TRPC3: variants seen among roughly 807,000 people sequenced by gnomAD.
The protein encoded by TRPC3 is transient receptor potential cation channel subfamily C member 3.
In TRPC3, 54 loss-of-function variants were observed where a neutral mutation model predicts 90.9. That is an observed-to-expected ratio of 0.59 (90% CI 0.48 to 0.75). The LOEUF (loss-of-function observed/expected upper bound fraction) is 0.75, where lower values mean the gene tolerates loss of function less well. Among genes scored for constraint, TRPC3 ranks in the 30% least tolerant of loss-of-function variants. The pLI is 0.00. For missense variants in TRPC3, 918 were observed against 1,194.5 expected, an observed-to-expected ratio of 0.77 and a Z score of 3.41; for synonymous variants, 424 against 450.9, an observed-to-expected ratio of 0.94 and a Z score of 0.75.
At chr4:121,892,635 AC>A (rs1214400042) in intron 10 of TRPC3, among the ~76,000 whole-genome samples, 1 of 152,190 alleles carries the variant, frequency 6.6e-6, no homozygotes, top group African/African-American at 2.4e-5. Flanking sequence ...TGAGAACTGC[AC>A]CAAATTAATC....
At position 121,874,702 on chromosome 4, in the gene TRPC3, T is replaced by C. The variant is rs563433978; in HGVS notation, c.*5034A>G. 3.1e-4 allele frequency among the ~76,000 whole-genome samples: 47 copies of C among 152,334 alleles called. No individual in the cohort carries two copies. Among genetic ancestry groups the C allele is most frequent in the African/African-American group, 1.1e-3 (46 of 41,578 alleles). The stretch of plus-strand genomic sequence containing the variant: ...GTCATATTATCTCATTTTAAATTAA[T>C]TACCTCTTTAAAGACCCTATCTCCA... On this transcript the variant is annotated 3_prime_UTR_variant, in exon 12 of 12. Coordinates refer to ENST00000379645, the MANE Select transcript of TRPC3 (RefSeq NM_001130698.2).
chr4:121,915,884 C>G (rs1352431771), intron 3 of TRPC3, among the ~76,000 whole-genome samples: 1 of 152,132 alleles, frequency 6.6e-6, no homozygotes, highest in Non-Finnish European at 1.5e-5. Flanking sequence ...GTCATATGCT[C>G]TTTGTCCAAG....
At chr4:121,919,144 G>GT (rs2149131461) in intron 3 of TRPC3, among the ~76,000 whole-genome samples, 1 of 152,310 alleles carries the variant, frequency 6.6e-6, no homozygotes, top group African/African-American at 2.4e-5. Flanking sequence ...CAACTGAAAT[G>GT]TTTTTTCTTG....
intron 10 of TRPC3, among the ~76,000 whole-genome samples, chr4:121,890,404 A>G (rs1728283808): frequency 1.3e-5 from 2 of 152,242 alleles, no homozygotes; most frequent in Non-Finnish European, 2.9e-5. Context: ...CAACGTATAC[A>G]TGTATTGAAA....
At chr4:121,940,165 G>A (rs961841282) in intron 1 of TRPC3, among the ~76,000 whole-genome samples, 5 of 152,160 alleles carry the variant, frequency 3.3e-5, no homozygotes, top group Non-Finnish European at 7.4e-5. Flanking sequence ...GGCTCAAGAC[G>A]TGGGGAGACA....
intron 9 of TRPC3, among the ~76,000 whole-genome samples, chr4:121,901,394 G>C (rs1035451539): frequency 1.3e-5 from 2 of 152,174 alleles, no homozygotes; most frequent in Non-Finnish European, 2.9e-5. Flanking sequence ...TGCTGAACAT[G>C]AGGCATCCAG....
chr4:121,896,653 C>G (rs2149113091), intron 10 of TRPC3, among the ~76,000 whole-genome samples: 1 of 151,990 alleles, frequency 6.6e-6, no homozygotes, highest in Non-Finnish European at 1.5e-5. Context: ...AGGATACAAA[C>G]AAAGGGAAAT....
chr4:121,947,410 T>G lies in TRPC3; in HGVS notation c.215+4056A>C, dbSNP rs149463331. On this transcript the variant is annotated intron_variant, in intron 1 of 11. Coordinates refer to ENST00000379645, the MANE Select transcript of TRPC3 (RefSeq NM_001130698.2). ...AGGGAGGGAAGTCCTGCTTCCAGTC[T>G]AATGCCTGAGCCAACACACACGCTA... Among the ~76,000 whole-genome samples the G allele has an allele frequency of 2.8e-3, 432 of 152,244 alleles. 1 individual carries two copies. The highest frequency in any genetic ancestry group is 9.6e-3 in the African/African-American group (400 of 41,538).
chr4:121,912,224 T>C (rs906495), intron 4 of TRPC3, 131 bp from the exon 5 acceptor site: 234,759 of 706,582 alleles, frequency 0.33, 40,087 homozygotes, highest in East Asian at 0.43. Context: ...CCAAAAAGCT[T>C]TATATTATGA....
chr4:121,921,521 C>CA (rs536564094), intron 3 of TRPC3, among the ~76,000 whole-genome samples: 19,295 of 56,120 alleles, frequency 0.34, 3,557 homozygotes, highest in East Asian at 0.48. Flanking sequence ...GACTCCGTCT[C>CA]AAAAAAAAAA....
intron 1 of TRPC3, among the ~76,000 whole-genome samples, chr4:121,940,170 GA>G (rs1681897552): frequency 6.6e-6 from 1 of 152,160 alleles, no homozygotes; most frequent in South Asian, 2.1e-4. Flanking sequence ...AAGACGTGGG[GA>G]GACACTGTCC....
At chr4:121,947,020 A>C (rs1481915403) in intron 1 of TRPC3, among the ~76,000 whole-genome samples, 1 of 151,676 alleles carries the variant, frequency 6.6e-6, no homozygotes, top group Non-Finnish European at 1.5e-5. Flanking sequence ...TCATCGATAC[A>C]AAAAATTTTA....
At position 121,879,571 on chromosome 4, in the gene TRPC3, T is replaced by C. The variant is rs1727871412; in HGVS notation, c.*165A>G. Reference sequence around the variant, plus strand: ...CAAAGCAGACAAATAAAATGCATTTTCATGTGATAAAACAATAAAACCATT... The same window carrying C: ...CAAAGCAGACAAATAAAATGCATTTCCATGTGATAAAACAATAAAACCATT... On this transcript the variant is annotated 3_prime_UTR_variant, in exon 12 of 12. Coordinates refer to ENST00000379645, the MANE Select transcript of TRPC3 (RefSeq NM_001130698.2). The C allele has an allele frequency of 1.4e-6, 1 of 711,590 alleles. No homozygotes were observed. The highest frequency in any genetic ancestry group is 2.1e-5 in the South Asian group (1 of 46,782). The allele number at this position is 711,590 out of a possible 1,614,324, so 44.1% of individuals were successfully genotyped here. A position where few individuals can be genotyped will look rare whatever the true frequency, so the allele number is the denominator to read the frequency against.
intron 1 of TRPC3, among the ~76,000 whole-genome samples, chr4:121,940,488 T>C (rs1458938829): frequency 6.6e-6 from 1 of 152,194 alleles, no homozygotes; most frequent in African/African-American, 2.4e-5. Flanking sequence ...CTTGACCCTT[T>C]TACACCTACC....
At chr4:121,894,812 C>G in intron 10 of TRPC3, among the ~76,000 whole-genome samples, 1 of 152,090 alleles carries the variant, frequency 6.6e-6, no homozygotes, top group African/African-American at 2.4e-5. Context: ...AATCCTTCTG[C>G]CTTGGCCTTC....
chr4:121,924,953 T>A, intron 3 of TRPC3, 65 bp downstream of exon 3: 2 of 1,495,216 alleles, frequency 1.3e-6, no homozygotes, highest in Non-Finnish European at 1.8e-6. Flanking sequence ...TTTCCTAGGA[T>A]TATGGCATAG....
intron 10 of TRPC3, among the ~76,000 whole-genome samples, chr4:121,886,869 G>A (rs1239687337): frequency 6.6e-6 from 1 of 152,124 alleles, no homozygotes; most frequent in Non-Finnish European, 1.5e-5. Flanking sequence ...ACTGCAACCT[G>A]GGGAGCACAG....
intron 2 of TRPC3, among the ~76,000 whole-genome samples, chr4:121,929,363 C>A (rs974936909): frequency 1.3e-5 from 2 of 152,010 alleles, no homozygotes; most frequent in Non-Finnish European, 2.9e-5. Context: ...AAAACTGAGG[C>A]ACAGGGAAGC....
intron 10 of TRPC3, 34 bp downstream of exon 10, chr4:121,899,578 T>C (rs1322958229): frequency 1.3e-6 from 2 of 1,561,170 alleles, no homozygotes; most frequent in South Asian, 1.1e-5. Flanking sequence ...TGGAATCACA[T>C]AGAGATCAAG....
Sources: allele counts gnomAD v4.1 joint callset (sites outside exome capture counted in the v4.1 genomes callset), GRCh38; gene constraint gnomAD v4.1.1; transcripts MANE v1.5; gene names NCBI Gene and HGNC (gene_info 2026-07-23, HGNC 2026-07-21).